The following SMC6 variants were observed in gnomAD, a reference collection of about 807,000 sequenced individuals.
SMC6 encodes the protein structural maintenance of chromosomes protein 6.
Under a neutral mutation model 142.2 loss-of-function variants are expected in SMC6, and 79 were observed. The observed-to-expected ratio is 0.56, with a 90% CI of 0.46 to 0.67. SMC6 has a LOEUF of 0.67. SMC6 is among the 30% of genes least tolerant of loss of function. SMC6 has a pLI of 0.00. For synonymous variants in SMC6, 411 were observed against 412.4 expected, an observed-to-expected ratio of 1.00 and a Z score of 0.04; for missense variants, 1,072 against 1,284.0, an observed-to-expected ratio of 0.83 and a Z score of 2.52.
rs1666383282 is a variant in SMC6 at position 17,663,905 on chromosome 2, C to T, written c.*1594G>A. 1 of 152,138 alleles carries T rather than the reference C, an allele frequency of 6.6e-6. No individual in the cohort carries two copies. The highest frequency in any genetic ancestry group is 2.1e-4 in the South Asian group (1 of 4,822). 9.4% of individuals were successfully genotyped at this position (152,138 alleles called of 1,614,324 possible). ...TTTCATTCTAGTAATATTATCACTA[C>T]TTAGAACATTAAAGGAAGATATTTT... On this transcript the variant is annotated 3_prime_UTR_variant, in exon 28 of 28. Coordinates refer to ENST00000448223, the MANE Select transcript of SMC6 (RefSeq NM_001142286.2).
intron 20 of SMC6, among the ~76,000 whole-genome samples, 189 bp downstream of exon 20, chr2:17,701,640 T>C (rs1037597234): frequency 1.3e-5 from 2 of 152,102 alleles, no homozygotes; most frequent in African/African-American, 2.4e-5. Flanking sequence ...AAGTTATATA[T>C]ACACAAAACA....
At chr2:17,740,568 T>C (rs753969603) in intron 4 of SMC6, among the ~76,000 whole-genome samples, 3 of 152,114 alleles carry the variant, frequency 2.0e-5, no homozygotes, top group Non-Finnish European at 2.9e-5. Flanking sequence ...AAAACTTTAA[T>C]TGTGGCCGGG....
intron 23 of SMC6, among the ~76,000 whole-genome samples, chr2:17,685,721 C>T (rs1667425935): frequency 6.6e-6 from 1 of 151,732 alleles, no homozygotes; most frequent in Non-Finnish European, 1.5e-5. Context: ...ACCTCCATAA[C>T]CTAGATGTAG....
intron 23 of SMC6, among the ~76,000 whole-genome samples, chr2:17,684,977 C>T (rs1406070834): frequency 6.6e-6 from 1 of 151,534 alleles, no homozygotes; most frequent in African/African-American, 2.4e-5. Flanking sequence ...CAAGAGAACC[C>T]ACAGACGGGA....
At chr2:17,741,245 T>C (rs1485702665) in intron 4 of SMC6, among the ~76,000 whole-genome samples, 1 of 152,198 alleles carries the variant, frequency 6.6e-6, no homozygotes, top group African/African-American at 2.4e-5. Context: ...AGAACTACTT[T>C]TATGTTTGGA....
At chr2:17,672,493 T>A (rs1016206871) in intron 25 of SMC6, among the ~76,000 whole-genome samples, 4 of 152,186 alleles carry the variant, frequency 2.6e-5, no homozygotes, top group Non-Finnish European at 5.9e-5. Flanking sequence ...AATTTTTACA[T>A]GAATACATAC....
In SMC6 at chr2:17,726,477, A is replaced by C; in HGVS notation, c.544-8T>G. Reference sequence around the variant, plus strand: ...AGAAACTGGATTATCCACCTCAAACAAACAAAAAGTCATTTTTGAATATTT... The same window carrying C: ...AGAAACTGGATTATCCACCTCAAACCAACAAAAAGTCATTTTTGAATATTT... On this transcript the variant is annotated splice_region_variant and splice_polypyrimidine_tract_variant and intron_variant, in intron 7 of 27. Coordinates refer to ENST00000448223, the MANE Select transcript of SMC6 (RefSeq NM_001142286.2). The C allele has an allele frequency of 6.2e-7, 1 of 1,604,320 alleles. No homozygotes were observed. Among genetic ancestry groups the C allele is most frequent in the East Asian group, 2.2e-5 (1 of 44,684 alleles).
chr2:17,695,965 G>C (rs925023311), intron 22 of SMC6, among the ~76,000 whole-genome samples: 1 of 152,126 alleles, frequency 6.6e-6, no homozygotes, highest in African/African-American at 2.4e-5. Flanking sequence ...CTACTCACTG[G>C]AAGGGGTGCC....
At chr2:17,740,856 ACAAAAAAC>A in intron 4 of SMC6, 1 of 227,318 alleles carries the variant, frequency 4.4e-6, no homozygotes, top group Non-Finnish European at 8.8e-6. Flanking sequence ...TCTCAAAAAA[ACAAAAAAC>A]AAAAAAACAA....
intron 26 of SMC6, among the ~76,000 whole-genome samples, chr2:17,667,976 A>T (rs1408164969): frequency 6.6e-6 from 1 of 152,254 alleles, no homozygotes; most frequent in Non-Finnish European, 1.5e-5. Context: ...GGCTCTGATT[A>T]TAACAATTCC....
At position 17,717,132 on chromosome 2, in the gene SMC6, T is replaced by G; in HGVS notation, c.1137A>C (p.Lys379Asn). The part of the protein sequence containing the change: ...RSLNEYKALK[K>N]DDEQLCKRIE... The stretch of plus-strand genomic sequence containing the variant: ...TTCGTTTACAAAGCTGCTCATCATC[T>G]TTCTTTAATGCTTTATATTCGTTTA... Residue 379 changes from lysine (K) to asparagine (N), a missense_variant, in exon 13 of 28, where the codon AAA (lysine) becomes AAC (asparagine). By Grantham distance (94) the Lys-to-Asn change is moderately conservative. Coordinates refer to ENST00000448223, the MANE Select transcript of SMC6 (RefSeq NM_001142286.2). 4 of 1,612,738 alleles carry G rather than the reference T, an allele frequency of 2.5e-6. No homozygotes were observed. The highest frequency in any genetic ancestry group is 3.4e-6 in the Non-Finnish European group (4 of 1,179,690).
At chr2:17,696,093 T>A (rs1358823836) in intron 22 of SMC6, among the ~76,000 whole-genome samples, 196 bp downstream of exon 22, 1 of 152,168 alleles carries the variant, frequency 6.6e-6, no homozygotes, top group African/African-American at 2.4e-5. Context: ...ACTGTCAGAG[T>A]CTTGCCTATT....
chr2:17,706,946 T>C (rs1248573339), intron 18 of SMC6, among the ~76,000 whole-genome samples: 4 of 152,158 alleles, frequency 2.6e-5, no homozygotes, highest in African/African-American at 9.7e-5. Context: ...CAAGCTCCTA[T>C]CTCCTTGAGG....
chr2:17,729,448 C>T (rs575555683), intron 7 of SMC6, among the ~76,000 whole-genome samples: 3 of 152,042 alleles, frequency 2.0e-5, no homozygotes, highest in African/African-American at 7.3e-5. Flanking sequence ...CAATTTTCCT[C>T]ATAATGAAAA....
At chr2:17,669,996 C>T (rs1666680283) in intron 26 of SMC6, among the ~76,000 whole-genome samples, 1 of 152,176 alleles carries the variant, frequency 6.6e-6, no homozygotes, top group Admixed American at 6.5e-5. Flanking sequence ...CGCTTATGTT[C>T]TGTACATTGT....
At chr2:17,744,721 G>T (rs942000258) in intron 3 of SMC6, among the ~76,000 whole-genome samples, 2 of 152,072 alleles carry the variant, frequency 1.3e-5, no homozygotes, top group African/African-American at 2.4e-5. Flanking sequence ...GTTTTTTTGT[G>T]AGTGCTCTTT....
Position 17,696,370 on chromosome 2 carries a change from A to T in SMC6, c.2451T>A (p.His817Gln). 6.2e-7 allele frequency: 1 copy of T among 1,611,966 alleles called. No individual in the cohort carries two copies. Among genetic ancestry groups the T allele is most frequent in the Non-Finnish European group, 8.5e-7 (1 of 1,179,544 alleles). Residue 817 changes from histidine (H) to glutamine (Q), a missense_variant, in exon 22 of 28, where the codon CAT becomes CAA. Physicochemically the swap from His to Gln is conservative, Grantham distance 24. Coordinates refer to ENST00000448223, the MANE Select transcript of SMC6 (RefSeq NM_001142286.2). ...EVDNQKRGKR[H>Q]YEEKQKEHLD... is the part of the protein sequence containing the mutation. The stretch of plus-strand genomic sequence containing the variant: ...AGTGTTCTTTTTGTTTTTCTTCATA[A>T]TGTCGTTTCCCTCGTTTTTGGTTAT...
chr2:17,721,500 G>A (rs1669373622), intron 9 of SMC6, among the ~76,000 whole-genome samples: 1 of 152,032 alleles, frequency 6.6e-6, no homozygotes, highest in Middle Eastern at 3.4e-3. Context: ...AAGAGCAAAG[G>A]AATTAAAGGT....
chr2:17,716,705 A>C (rs1357448387), intron 14 of SMC6, 36 bp downstream of exon 14: 2 of 1,587,772 alleles, frequency 1.3e-6, no homozygotes, highest in South Asian at 1.2e-5. Flanking sequence ...TGTAAAAGTA[A>C]TTGAAAAAAA....
Sources: allele counts gnomAD v4.1 joint callset (sites outside exome capture counted in the v4.1 genomes callset), GRCh38; gene constraint gnomAD v4.1.1; transcripts MANE v1.5; gene names NCBI Gene and HGNC (gene_info 2026-07-23, HGNC 2026-07-21).